BTC: variants seen among roughly 807,000 people sequenced by gnomAD.
BTC encodes probetacellulin.
Under a neutral mutation model 18.1 loss-of-function variants are expected in BTC, and 13 were observed. The observed-to-expected ratio is 0.72, with a 90% CI of 0.47 to 1.14. BTC has a LOEUF of 1.14. BTC is among the 50% of genes most tolerant of loss of function. The probability of loss-of-function intolerance (pLI) is 0.00; values close to 1 mark genes in which losing one functional copy is unlikely to be tolerated. For synonymous variants in BTC, 83 were observed against 79.4 expected, an observed-to-expected ratio of 1.05 and a Z score of -0.24; for missense variants, 247 against 224.2, an observed-to-expected ratio of 1.10 and a Z score of -0.65.
intron 1 of BTC, among the ~76,000 whole-genome samples, chr4:74,792,786 G>C (rs567610271): frequency 1.3e-5 from 2 of 152,162 alleles, no homozygotes; most frequent in Admixed American, 1.3e-4. Context: ...GCACGCATTC[G>C]TGTCCTCCAT....
chr4:74,773,922 A>G (rs1007968080), intron 1 of BTC, among the ~76,000 whole-genome samples: 4 of 152,108 alleles, frequency 2.6e-5, no homozygotes, highest in African/African-American at 9.7e-5. Flanking sequence ...CGACACACAA[A>G]TCTTTAAGGT....
intron 1 of BTC, among the ~76,000 whole-genome samples, chr4:74,777,699 A>G (rs1381002827): frequency 6.6e-6 from 1 of 152,122 alleles, no homozygotes; most frequent in Non-Finnish European, 1.5e-5. Flanking sequence ...TTGTGTTTTC[A>G]GTAGAGTTCT....
rs1202112303 is a variant in BTC, at chr4:74,744,851, A to G, written c.*1826T>C. 1 of 152,254 alleles carries G rather than the reference A, an allele frequency of 6.6e-6. No individual in the cohort carries two copies. Among genetic ancestry groups the G allele is most frequent in the Non-Finnish European group, 1.5e-5 (1 of 68,046 alleles). 9.4% of individuals were successfully genotyped at this position (152,254 alleles called of 1,614,324 possible). ...AGTGTATGCAAAGCAACTATAAAAT[A>G]CATTTTGAAAAGATATAAAAATCTT... On this transcript the variant is annotated 3_prime_UTR_variant, in exon 6 of 6. Coordinates refer to ENST00000395743, the MANE Select transcript of BTC (RefSeq NM_001729.4).
intron 3 of BTC, among the ~76,000 whole-genome samples, chr4:74,753,836 AAT>A (rs1724526865): frequency 6.6e-6 from 1 of 152,136 alleles, no homozygotes; most frequent in Admixed American, 6.5e-5. Context: ...AGAAAAAAAA[AAT>A]ATTGTTCTTA....
intron 1 of BTC, among the ~76,000 whole-genome samples, chr4:74,772,497 A>C (rs1374869388): frequency 6.6e-6 from 1 of 152,208 alleles, no homozygotes; most frequent in Non-Finnish European, 1.5e-5. Flanking sequence ...ATCAATCTAT[A>C]AACGAACAAG....
intron 2 of BTC, among the ~76,000 whole-genome samples, chr4:74,758,872 G>A (rs1724674548): frequency 1.3e-5 from 2 of 152,064 alleles, no homozygotes; most frequent in South Asian, 4.2e-4. Context: ...GGCAGAAAAT[G>A]TCCAGCGATT....
intron 1 of BTC, among the ~76,000 whole-genome samples, chr4:74,793,598 C>T (rs946812287): frequency 2.6e-5 from 4 of 152,154 alleles, no homozygotes; most frequent in Non-Finnish European, 5.9e-5. Context: ...ACTTAGAAGC[C>T]TTCTCACTAC....
intron 2 of BTC, 77 bp from the exon 3 acceptor site, chr4:74,756,053 G>T (rs1724589443): frequency 2.4e-6 from 3 of 1,245,992 alleles, no homozygotes; most frequent in South Asian, 1.2e-5. Context: ...TTCTTATCTT[G>T]CTGCCAGTTT....
intron 1 of BTC, among the ~76,000 whole-genome samples, chr4:74,791,170 C>T (rs143216408): frequency 2.9e-3 from 419 of 144,004 alleles, no homozygotes; most frequent in African/African-American, 0.011. Context: ...GCCAAAACCC[C>T]GTCTCTTCAA....
intron 2 of BTC, among the ~76,000 whole-genome samples, chr4:74,769,671 T>C (rs1724989252): frequency 6.6e-6 from 1 of 152,148 alleles, no homozygotes; most frequent in South Asian, 2.1e-4. Flanking sequence ...GAATTTAACT[T>C]TGGGTAGAAT....
intron 2 of BTC, among the ~76,000 whole-genome samples, chr4:74,758,155 G>T (rs1724653258): frequency 6.6e-6 from 1 of 152,214 alleles, no homozygotes; most frequent in Admixed American, 6.5e-5. Flanking sequence ...CAGGTCTAAT[G>T]CAGGCAGTGG....
chr4:74,786,575 T>C (rs886876094), intron 1 of BTC, among the ~76,000 whole-genome samples: 2 of 152,206 alleles, frequency 1.3e-5, no homozygotes, highest in Non-Finnish European at 2.9e-5. Context: ...ACAATTTGAT[T>C]ACTCGCCATT....
chr4:74,772,050 T>C (rs1428930291), intron 1 of BTC, among the ~76,000 whole-genome samples: 1 of 152,212 alleles, frequency 6.6e-6, no homozygotes, highest in Non-Finnish European at 1.5e-5. Flanking sequence ...TAATATAGCG[T>C]GATCTGTTTG....
At chr4:74,789,680 A>G (rs1725570573) in intron 1 of BTC, among the ~76,000 whole-genome samples, 1 of 152,170 alleles carries the variant, frequency 6.6e-6, no homozygotes. Context: ...ACTTTCCTAA[A>G]TTAATGTATT....
chr4:74,791,655 A>C lies in BTC; in HGVS notation c.64+2607T>G, dbSNP rs146663091. 1.7e-3 allele frequency among the ~76,000 whole-genome samples: 252 copies of C among 152,316 alleles called. 1 individual carries two copies. Among genetic ancestry groups the C allele is most frequent in the African/African-American group, 5.9e-3 (245 of 41,564 alleles). On this transcript the variant is annotated intron_variant, in intron 1 of 5. Coordinates refer to ENST00000395743, the MANE Select transcript of BTC (RefSeq NM_001729.4). ...AAATTTCTCAAAGAAAGTAGTACCT[A>C]ATTTGCATATGTTAGAATGGAAATT...
intron 4 of BTC, among the ~76,000 whole-genome samples, chr4:74,748,442 AGGAGAATGGC>A (rs1249372182): frequency 3.2e-4 from 48 of 152,118 alleles, no homozygotes; most frequent in Admixed American, 3.0e-3. Flanking sequence ...AGGCTGAGGC[AGGAGAATGGC>A]GTGAACCCGG....
At chr4:74,747,317 C>T (rs1393941691) in intron 5 of BTC, among the ~76,000 whole-genome samples, 2 of 152,124 alleles carry the variant, frequency 1.3e-5, no homozygotes, top group Non-Finnish European at 2.9e-5. Flanking sequence ...TAGTAGGAGG[C>T]ACCTGCTGAA....
At chr4:74,763,445 T>A (rs1724817987) in intron 2 of BTC, among the ~76,000 whole-genome samples, 1 of 152,116 alleles carries the variant, frequency 6.6e-6, no homozygotes. Flanking sequence ...TGGTCTCTAT[T>A]TTTAATTTTT....
At chr4:74,784,541 G>A (rs1230967235) in intron 1 of BTC, among the ~76,000 whole-genome samples, 3 of 152,266 alleles carry the variant, frequency 2.0e-5, no homozygotes, top group South Asian at 2.1e-4. Flanking sequence ...TGCCCATTCA[G>A]TATGATACCG....
Sources: allele counts gnomAD v4.1 joint callset (sites outside exome capture counted in the v4.1 genomes callset), GRCh38; gene constraint gnomAD v4.1.1; transcripts MANE v1.5; gene names NCBI Gene and HGNC (gene_info 2026-07-23, HGNC 2026-07-21).